Variants in ACTR3C observed in about 807,000 individuals in gnomAD.
ACTR3C encodes the protein actin related protein 3C.
Under a neutral mutation model 26.3 loss-of-function variants are expected in ACTR3C, and 18 were observed. The ratio of observed to expected loss-of-function variants is 0.68; its 90% CI spans 0.47 to 1.01. The LOEUF (loss-of-function observed/expected upper bound fraction) is 1.01. ACTR3C is among the 50% of genes least tolerant of loss of function. The pLI is 0.00. For synonymous variants in ACTR3C, 55 were observed against 94.5 expected (o/e 0.58, Z 2.42); for missense variants, 184 against 250.7 (o/e 0.73, Z 1.80).
At chr7:150,037,847 G>C in the ACTR3C span, among the ~76,000 whole-genome samples, 1 of 94,968 alleles carries the variant, frequency 1.1e-5, no homozygotes, top group Non-Finnish European at 2.3e-5. Flanking sequence ...CGCGGAGGGT[G>C]CCTCCGCCCC....
the ACTR3C span, among the ~76,000 whole-genome samples, chr7:149,967,707 A>T: frequency 3.0e-4 from 45 of 152,208 alleles, no homozygotes; most frequent in Non-Finnish European, 4.4e-4. Flanking sequence ...CACTTGTTAA[A>T]GTTGGTGACA....
At chr7:150,188,175 C>T in the ACTR3C span, among the ~76,000 whole-genome samples, 3 of 152,150 alleles carry the variant, frequency 2.0e-5, no homozygotes, top group East Asian at 1.9e-4. Flanking sequence ...TCTGTAGTTT[C>T]GTTCTTTCCA....
At chr7:150,123,582 A>AACAC in the ACTR3C span, among the ~76,000 whole-genome samples, 303 of 119,198 alleles carry the variant, frequency 2.5e-3, 3 homozygotes, top group East Asian at 0.027. Context: ...AGCAAAGGTC[A>AACAC]ACACACACAC....
the ACTR3C span, among the ~76,000 whole-genome samples, chr7:150,037,358 G>A: frequency 1.0e-4 from 6 of 57,924 alleles, no homozygotes; most frequent in African/African-American, 2.5e-4. Context: ...CTGGCTCTCA[G>A]TCCCCGCCTC....
the ACTR3C span, among the ~76,000 whole-genome samples, chr7:150,058,654 C>A: frequency 6.6e-6 from 1 of 152,252 alleles, no homozygotes; most frequent in African/African-American, 2.4e-5. Context: ...CCGTGGCTCA[C>A]GCCTGTAATC....
At chr7:150,172,023 G>A in the ACTR3C span, among the ~76,000 whole-genome samples, 1 of 150,632 alleles carries the variant, frequency 6.6e-6, no homozygotes, top group Non-Finnish European at 1.5e-5. Context: ...TGTTGGCCAG[G>A]ATGGTCTCGA....
At chr7:150,039,427 C>T in the ACTR3C span, among the ~76,000 whole-genome samples, 1 of 14,238 alleles carries the variant, frequency 7.0e-5, no homozygotes, top group African/African-American at 3.0e-4. Flanking sequence ...GTCCCTGCCT[C>T]GCGGGGGTGC....
the ACTR3C span, among the ~76,000 whole-genome samples, chr7:150,010,871 T>A: frequency 4.1e-5 from 6 of 147,316 alleles, no homozygotes; most frequent in Non-Finnish European, 8.9e-5. Flanking sequence ...CCAAGTGCCA[T>A]GTGGATTCAC....
chr7:150,074,133 G>A, the ACTR3C span: 1 of 152,086 alleles, frequency 6.6e-6, no homozygotes, highest in Non-Finnish European at 1.5e-5. Flanking sequence ...CACACTCCAG[G>A]CCCAGGCTTG....
chr7:150,135,159 C>T, the ACTR3C span, among the ~76,000 whole-genome samples: 1 of 152,220 alleles, frequency 6.6e-6, no homozygotes, highest in African/African-American at 2.4e-5. Context: ...GTAGTCCCAG[C>T]TACTCGGGAG....
the ACTR3C span, among the ~76,000 whole-genome samples, chr7:150,130,253 G>A: frequency 6.6e-6 from 1 of 151,440 alleles, no homozygotes; most frequent in Non-Finnish European, 1.5e-5. Context: ...TAATGACCTT[G>A]GCTGAGACAA....
At chr7:150,101,050 A>G in the ACTR3C span, among the ~76,000 whole-genome samples, 14 of 151,598 alleles carry the variant, frequency 9.2e-5, no homozygotes, top group African/African-American at 3.2e-4. Context: ...ACTGAAGTCA[A>G]AGATAGATAC....
chr7:150,204,641 C>T, the ACTR3C span, among the ~76,000 whole-genome samples: 1 of 152,224 alleles, frequency 6.6e-6, no homozygotes, highest in East Asian at 1.9e-4. Context: ...CTCTCCTCCC[C>T]CTGAACCCAA....
At chr7:150,003,739 TGTGTACAGTGTG>T in the ACTR3C span, among the ~76,000 whole-genome samples, 1 of 152,224 alleles carries the variant, frequency 6.6e-6, no homozygotes, top group African/African-American at 2.4e-5. Flanking sequence ...TGGTGTGTGG[TGTGTACAGTGTG>T]GTGTATGGTG....
the ACTR3C span, among the ~76,000 whole-genome samples, chr7:150,042,476 A>G: frequency 7.9e-6 from 1 of 127,264 alleles, no homozygotes; most frequent in Non-Finnish European, 1.7e-5. Context: ...GGAAAGGGGG[A>G]GGTTCGCAGT....
At chr7:150,165,189 C>T in the ACTR3C span, among the ~76,000 whole-genome samples, 1 of 152,208 alleles carries the variant, frequency 6.6e-6, no homozygotes, top group Non-Finnish European at 1.5e-5. Flanking sequence ...ACCATCTGAT[C>T]TCAAGCAAGT....
the ACTR3C span, among the ~76,000 whole-genome samples, chr7:150,226,531 G>A: frequency 3.3e-5 from 5 of 152,220 alleles, no homozygotes; most frequent in African/African-American, 9.6e-5. Flanking sequence ...CTGCCTCCTG[G>A]GTTCAAGTGA....
chr7:150,291,788 G>A (rs1836286735), intron 3 of ACTR3C, among the ~76,000 whole-genome samples: 1 of 152,056 alleles, frequency 6.6e-6, no homozygotes, highest in Non-Finnish European at 1.5e-5. Flanking sequence ...AGTTCTCGGT[G>A]AGTGCTCTGC....
At chr7:150,145,444 A>C in the ACTR3C span, among the ~76,000 whole-genome samples, 21 of 151,552 alleles carry the variant, frequency 1.4e-4, no homozygotes, top group African/African-American at 5.1e-4. Flanking sequence ...TGTGGTCTTT[A>C]ATCTGCCTCA....
Sources: allele counts gnomAD v4.1 joint callset (sites outside exome capture counted in the v4.1 genomes callset), GRCh38; gene constraint gnomAD v4.1.1; transcripts MANE v1.5; gene names NCBI Gene and HGNC (gene_info 2026-07-23, HGNC 2026-07-21).